The following FAM169A variants were observed in gnomAD, a reference collection of about 807,000 sequenced individuals.
FAM169A encodes soluble lamin-associated protein of 75 kDa.
A neutral mutation model predicts 75.7 loss-of-function variants in FAM169A; 24 were observed. That is an observed-to-expected ratio of 0.32 (90% CI 0.23 to 0.45). The LOEUF (loss-of-function observed/expected upper bound fraction) is 0.45. FAM169A is among the 20% of genes least tolerant of loss of function. FAM169A has a pLI of 1.00. For synonymous variants in FAM169A, 271 were observed against 271.0 expected (o/e 1.00, Z 0.00); for missense variants, 673 against 784.0 (o/e 0.86, Z 1.69).
chr5:74,806,332 G>A (rs945376053), intron 6 of FAM169A, among the ~76,000 whole-genome samples: 20 of 152,150 alleles, frequency 1.3e-4, no homozygotes, highest in Non-Finnish European at 8.8e-5. Context: ...AAATAATGGT[G>A]CTGAAATAAA....
At chr5:74,856,659 A>C (rs1201042877) in intron 1 of FAM169A, among the ~76,000 whole-genome samples, 3 of 152,024 alleles carry the variant, frequency 2.0e-5, no homozygotes. Flanking sequence ...AGACCTTGAG[A>C]TTTAGATGAT....
chr5:74,859,966 A>G (rs926930835), intron 1 of FAM169A, among the ~76,000 whole-genome samples: 33 of 152,346 alleles, frequency 2.2e-4, no homozygotes, highest in Non-Finnish European at 1.0e-4. Context: ...ACTAGATACT[A>G]AAAGCTATCC....
intron 5 of FAM169A, among the ~76,000 whole-genome samples, chr5:74,825,542 C>T (rs1008095658): frequency 6.6e-6 from 1 of 152,148 alleles, no homozygotes; most frequent in African/African-American, 2.4e-5. Context: ...TCCCATCTTT[C>T]CTTCTTGATT....
At chr5:74,841,810 C>G in intron 1 of FAM169A, 131 bp from the exon 2 acceptor site, 1 of 722,874 alleles carries the variant, frequency 1.4e-6, no homozygotes, top group Non-Finnish European at 2.2e-6. Flanking sequence ...ACTTTGCCCG[C>G]AGAATACAAC....
intron 1 of FAM169A, among the ~76,000 whole-genome samples, chr5:74,859,016 T>C (rs554365594): frequency 4.6e-5 from 7 of 152,076 alleles, no homozygotes; most frequent in African/African-American, 7.2e-5. Flanking sequence ...GAGTTCAAGA[T>C]GGGCCTGGCC....
chr5:74,813,554 G>C (rs1747318132), intron 6 of FAM169A, among the ~76,000 whole-genome samples: 1 of 152,102 alleles, frequency 6.6e-6, no homozygotes, highest in Admixed American at 6.5e-5. Context: ...TCGAACTCCT[G>C]ACCTCAGGTG....
At chr5:74,817,481 C>A (rs1303935017) in intron 5 of FAM169A, among the ~76,000 whole-genome samples, 1 of 151,838 alleles carries the variant, frequency 6.6e-6, no homozygotes, top group Non-Finnish European at 1.5e-5. Flanking sequence ...AACAGACATA[C>A]AAAACTTGTA....
intron 8 of FAM169A, among the ~76,000 whole-genome samples, chr5:74,804,168 T>C (rs1746732526): frequency 6.6e-6 from 1 of 152,146 alleles, no homozygotes. Context: ...TAATATGCGA[T>C]ATTAAATATA....
chr5:74,844,677 G>T (rs889943882), intron 1 of FAM169A, among the ~76,000 whole-genome samples: 1 of 151,734 alleles, frequency 6.6e-6, no homozygotes. Context: ...AAATTAGCTG[G>T]CTGGTGGTAC....
intron 4 of FAM169A, among the ~76,000 whole-genome samples, 179 bp downstream of exon 4, chr5:74,838,786 T>A (rs1397238295): frequency 6.6e-6 from 1 of 152,192 alleles, no homozygotes; most frequent in South Asian, 2.1e-4. Flanking sequence ...ACTTATAGAA[T>A]CACATAAAAA....
chr5:74,855,094 A>G (rs1015302104), intron 1 of FAM169A, among the ~76,000 whole-genome samples: 16 of 152,128 alleles, frequency 1.1e-4, no homozygotes, highest in Non-Finnish European at 2.2e-4. Flanking sequence ...TGAGGGTTCA[A>G]TTTTCTCCAC....
intron 8 of FAM169A, among the ~76,000 whole-genome samples, chr5:74,804,034 A>G (rs1318474488): frequency 6.6e-6 from 1 of 152,186 alleles, no homozygotes; most frequent in Non-Finnish European, 1.5e-5. Flanking sequence ...GCTATGTAAC[A>G]ATCACATTTT....
intron 6 of FAM169A, among the ~76,000 whole-genome samples, chr5:74,813,041 G>C (rs1369995800): frequency 6.6e-6 from 1 of 152,184 alleles, no homozygotes. Context: ...TTAAAAACAT[G>C]CTAAGTGAAA....
Position 74,793,323 on chromosome 5 carries a change from CAAA to C in FAM169A, c.1260+2704_1260+2706del, listed in dbSNP as rs916752737. Among the ~76,000 whole-genome samples the C allele has an allele frequency of 7.6e-5, 5 of 65,458 alleles. No individual in the cohort carries two copies. The South Asian group carries it at 1.7e-3, about 22-fold the overall frequency. 42.9% of individuals were successfully genotyped at this position (65,458 alleles called of 152,430 possible). ...CTGGAGACAGACCAAGAGTCCATTT[CAAA>C]AAAAAAAAAAAAAAAAGTGGTATAT... On this transcript the variant is annotated intron_variant, in intron 11 of 12. Coordinates refer to ENST00000687041, the MANE Select transcript of FAM169A (RefSeq NM_001376049.1).
At chr5:74,820,851 G>T (rs559414387) in intron 5 of FAM169A, among the ~76,000 whole-genome samples, 2 of 152,244 alleles carry the variant, frequency 1.3e-5, no homozygotes, top group South Asian at 4.2e-4. Context: ...AAACCTTTCA[G>T]GATACAGTCC....
At position 74,805,325 on chromosome 5, in the gene FAM169A, C is replaced by G. The variant is rs77473216; in HGVS notation, c.671-41G>C. 2.4e-3 allele frequency: 3,863 copies of G among 1,598,280 alleles called. 77 individuals are homozygous for G. The African/African-American group carries it at 0.046, about 19-fold the overall frequency. ...AGAATTTTCTAGAAATCCCAAATAT[C>G]CACTGTTTTGAAAAACAGGAGTTGA... On this transcript the variant is annotated intron_variant, in intron 6 of 12. Transcript: ENST00000687041.
At chr5:74,843,071 G>C (rs936325136) in intron 1 of FAM169A, among the ~76,000 whole-genome samples, 4 of 151,892 alleles carry the variant, frequency 2.6e-5, no homozygotes, top group Non-Finnish European at 5.9e-5. Flanking sequence ...TAAGGGGGGC[G>C]GGGGCAGCAA....
In FAM169A at chr5:74,787,883, T is replaced by TAA. The variant is rs113652695; in HGVS notation, c.1261-4751_1261-4750dup. On this transcript the variant is annotated intron_variant, in intron 11 of 12. Transcript: ENST00000687041. ...TGGACAAAAGACTAATCTGAATTAT[T>TAA]AAAAAAAAGAGAGAATCACAGCCCC... 2.0e-3 allele frequency among the ~76,000 whole-genome samples: 297 copies of TAA among 151,590 alleles called. 1 individual carries two copies. The highest frequency in any genetic ancestry group is 9.3e-3 in the East Asian group (48 of 5,160).
intron 5 of FAM169A, among the ~76,000 whole-genome samples, chr5:74,815,228 T>G (rs56192858): frequency 0.13 from 20,205 of 151,828 alleles, 1,463 homozygotes; most frequent in Middle Eastern, 0.19. Context: ...TCACTCTTGT[T>G]GCCGAGGCTG....
Sources: allele counts gnomAD v4.1 joint callset (sites outside exome capture counted in the v4.1 genomes callset), GRCh38; gene constraint gnomAD v4.1.1; transcripts MANE v1.5; gene names NCBI Gene and HGNC (gene_info 2026-07-23, HGNC 2026-07-21).